The following PLTP variants were observed in gnomAD, a reference collection of about 807,000 sequenced individuals.
PLTP encodes phospholipid transfer protein, also known as BPI fold containing family E.
In PLTP, 43 loss-of-function variants were observed where a neutral mutation model predicts 54.1. The ratio of observed to expected loss-of-function variants is 0.79; its 90% CI spans 0.62 to 1.02. The LOEUF is 1.02. Among genes scored for constraint, PLTP ranks in the 50% least tolerant of loss-of-function variants. The pLI is 0.00. For missense variants in PLTP, 604 were observed against 645.9 expected (o/e 0.94, Z 0.70); for synonymous variants, 263 against 264.6 (o/e 0.99, Z 0.06).
intron 15 of PLTP, 25 bp downstream of exon 15, chr20:45,899,437 C>T (rs2145827300): frequency 2.5e-6 from 4 of 1,612,656 alleles, no homozygotes; most frequent in South Asian, 2.2e-5. Context: ...GGCCCTCCCT[C>T]CTTCCCCATC....
intron 3 of PLTP, 122 bp downstream of exon 3, chr20:45,911,030 C>T: frequency 6.2e-7 from 1 of 1,602,620 alleles, no homozygotes. Context: ...AGTCTTGCCT[C>T]ATCGATTTGG....
chr20:45,905,269 A>T lies in PLTP; in HGVS notation c.706-151T>A, dbSNP rs181305446. 4.7e-4 allele frequency: 317 copies of T among 679,986 alleles called. 4 individuals carry two copies. In the East Asian group the frequency reaches 5.8e-3, roughly 12 times the overall value. 42.1% of individuals were successfully genotyped at this position (679,986 alleles called of 1,614,324 possible). ...GAGGATTCACAAGCACATCTCTTAA[A>T]AGGCATTGGAAGGAGGACACCTGCT... On this transcript the variant is annotated intron_variant, in intron 8 of 15. Transcript: ENST00000372431.
chr20:45,906,284 A>G lies in PLTP; in HGVS notation c.689T>C (p.Leu230Pro), dbSNP rs752157220. ...GCAGCTCACCCGGAAGTCCATGTCC[A>G]GGTTGCTGGTGGAAGCCACAGGATC... The part of the protein sequence containing the change: ...MKDPVASTSN[L>P]DMDFRGAFFP... The change falls in exon 8 of 16, where the codon CTG becomes CCG. Residue 230 changes from leucine (L) to proline (P), a missense_variant. Physicochemically the swap from Leu to Pro is moderately conservative, Grantham distance 98. Coordinates refer to ENST00000372431, the MANE Select transcript of PLTP (RefSeq NM_006227.4). 8 of 1,613,128 alleles carry G rather than the reference A, an allele frequency of 5.0e-6. No individual in the cohort carries two copies. Among genetic ancestry groups the G allele is most frequent in the Non-Finnish European group, 6.8e-6 (8 of 1,179,052 alleles).
intron 15 of PLTP, 33 bp from the exon 16 acceptor site, chr20:45,899,096 AT>A: frequency 6.2e-7 from 1 of 1,613,898 alleles, no homozygotes; most frequent in Non-Finnish European, 8.5e-7. Flanking sequence ...TCATTTATTC[AT>A]TCAGTTATTG....
At chr20:45,909,733 G>C (rs1277182073) in intron 4 of PLTP, 62 bp from the exon 5 acceptor site, 19 of 1,561,898 alleles carry the variant, frequency 1.2e-5, no homozygotes, top group Non-Finnish European at 7.9e-6. Context: ...GTGCCCCCAT[G>C]CATCACCATA....
Position 45,904,948 on chromosome 20 carries a change from C to T in PLTP, c.876G>A (p.Gly292=). The T allele has an allele frequency of 6.2e-7, 1 of 1,614,242 alleles. No homozygotes were observed. The highest frequency in any genetic ancestry group is 8.5e-7 in the Non-Finnish European group (1 of 1,180,040). ...CAAACAGGCCATGACATACCTTGTC[C>T]CCCACCAGCAACAGCTGCAGGGCCC... The part of the protein sequence containing the change: ...RAGALQLLLV[G]DKVPHDLDML... Residue 292 remains glycine (G), a synonymous_variant, in exon 9 of 16, where the codon GGG becomes GGA. Transcript: ENST00000372431.
At chr20:45,900,568 G>T (rs1344618707) in intron 12 of PLTP, among the ~76,000 whole-genome samples, 1 of 151,682 alleles carries the variant, frequency 6.6e-6, no homozygotes, top group Non-Finnish European at 1.5e-5. Flanking sequence ...TCACTGTGTT[G>T]CCCAGGCTGG....
intron 8 of PLTP, among the ~76,000 whole-genome samples, chr20:45,905,944 A>G (rs1046858103): frequency 6.6e-6 from 1 of 152,206 alleles, no homozygotes; most frequent in African/African-American, 2.4e-5. Flanking sequence ...ATAGAAATTT[A>G]TGTCCAGCTC....
intron 8 of PLTP, among the ~76,000 whole-genome samples, chr20:45,906,032 C>A (rs887220444): frequency 2.6e-5 from 4 of 152,124 alleles, no homozygotes; most frequent in Admixed American, 2.0e-4. Flanking sequence ...TGGGAAAGAG[C>A]AGCTGCAAAG....
chr20:45,909,517 TG>T lies in PLTP; in HGVS notation c.483del (p.Phe161LeufsTer60). ...SRMHAAFGGT[F>X]KKVYDFLSTF... ...GCTGGGGTTGGGGCTGGGGCTTACT[TG>T]AAGGTTCCCCCGAAGGCCGCGTGCA... On this transcript the variant is annotated frameshift_variant and splice_region_variant, in exon 5 of 16. Coordinates refer to ENST00000372431, the MANE Select transcript of PLTP (RefSeq NM_006227.4). LOFTEE classifies it high-confidence loss of function. 1 of 1,614,052 alleles carries T rather than the reference TG, an allele frequency of 6.2e-7. No homozygotes were observed. Among genetic ancestry groups the T allele is most frequent in the Non-Finnish European group, 8.5e-7 (1 of 1,179,996 alleles).
intron 4 of PLTP, 101 bp from the exon 5 acceptor site, chr20:45,909,772 C>T (rs1184393827): frequency 6.8e-7 from 1 of 1,466,524 alleles, no homozygotes; most frequent in East Asian, 2.3e-5. Flanking sequence ...CCTCTTTCCA[C>T]ACATCCTACC....
At chr20:45,906,408 G>C in intron 7 of PLTP, 49 bp from the exon 8 acceptor site, 1 of 1,421,404 alleles carries the variant, frequency 7.0e-7, no homozygotes, top group Non-Finnish European at 9.9e-7. Context: ...GTGGGATAAG[G>C]TGCTTAACCT....
intron 10 of PLTP, among the ~76,000 whole-genome samples, chr20:45,904,317 C>T (rs987676024): frequency 1.3e-5 from 2 of 151,936 alleles, no homozygotes; most frequent in Admixed American, 6.6e-5. Context: ...TAAAAATTAG[C>T]GGGGTGTGGT....
intron 10 of PLTP, 139 bp downstream of exon 10, chr20:45,904,661 A>G: frequency 1.2e-6 from 1 of 802,996 alleles, no homozygotes; most frequent in Non-Finnish European, 2.2e-6. Context: ...AGGAACAGCC[A>G]TGACAAGGCG....
chr20:45,899,546 T>C lies in PLTP; in HGVS notation c.1283-8A>G. Reference sequence around the variant, plus strand: ...CCCCACGCCAGGTCCGCTCTGTGGGTGGGAGCACCCCGCTCAGTCTGGGCC... The same window carrying C: ...CCCCACGCCAGGTCCGCTCTGTGGGCGGGAGCACCCCGCTCAGTCTGGGCC... On this transcript the variant is annotated splice_polypyrimidine_tract_variant and splice_region_variant and intron_variant, in intron 14 of 15. Coordinates refer to ENST00000372431, the MANE Select transcript of PLTP (RefSeq NM_006227.4). 1 of 1,614,026 alleles carries C rather than the reference T, an allele frequency of 6.2e-7. No individual in the cohort carries two copies. Among genetic ancestry groups the C allele is most frequent in the Non-Finnish European group, 8.5e-7 (1 of 1,179,988 alleles).
chr20:45,902,178 A>T, intron 12 of PLTP, 89 bp downstream of exon 12: 1 of 1,361,754 alleles, frequency 7.3e-7, no homozygotes, highest in Non-Finnish European at 1.0e-6. Flanking sequence ...AGTGGCTTAC[A>T]GGTATCACTG....
At chr20:45,910,336 G>A (rs1181855128) in intron 3 of PLTP, among the ~76,000 whole-genome samples, 3 of 151,980 alleles carry the variant, frequency 2.0e-5, no homozygotes, top group Non-Finnish European at 4.4e-5. Flanking sequence ...TTGTTTGCCA[G>A]GTGCGGTGGT....
Position 45,911,352 on chromosome 20 carries a change from C to T in PLTP, c.100+1G>A, listed in dbSNP as rs1283873533. On this transcript the variant is annotated splice_donor_variant, in intron 2 of 15. Coordinates refer to ENST00000372431, the MANE Select transcript of PLTP (RefSeq NM_006227.4). LOFTEE classifies it high-confidence loss of function. ...CGTCCCTGTCTGCCCCTGCGCCTTACCCAGCTCCAGCGCCTTGGAGGTGAC... is the reference window on the plus strand; with the variant it reads ...CGTCCCTGTCTGCCCCTGCGCCTTATCCAGCTCCAGCGCCTTGGAGGTGAC... The T allele has an allele frequency of 1.2e-6, 2 of 1,613,388 alleles. No homozygotes were observed. Among genetic ancestry groups the T allele is most frequent in the Admixed American group, 1.7e-5 (1 of 60,034 alleles).
In PLTP at chr20:45,898,893, G is replaced by A. The variant is rs1308759187; in HGVS notation, c.*48C>T. 6.2e-7 allele frequency: 1 copy of A among 1,604,892 alleles called. No homozygotes were observed. The highest frequency in any genetic ancestry group is 1.7e-5 in the Admixed American group (1 of 59,204). On this transcript the variant is annotated 3_prime_UTR_variant, in exon 16 of 16. Coordinates refer to ENST00000372431, the MANE Select transcript of PLTP (RefSeq NM_006227.4). This position sits in a 1 kb window ranked among gnomAD's most constrained non-coding sequence, Gnocchi z 4.6. ...ATGAATGTGGGAAAAGAGGGGCTGA[G>A]AGGGGTTGGGGTCCTGAATGACAGC... is the stretch of plus-strand genomic sequence containing the variant.
Sources: gnomAD v4.1 joint callset for allele counts (sites outside exome capture counted in the v4.1 genomes callset) on GRCh38, gnomAD v4.1.1 for gene constraint, Gnocchi (gnomAD v3.1) non-coding constraint, MANE v1.5 for transcripts, NCBI Gene and HGNC (gene_info 2026-07-23, HGNC 2026-07-21) for gene names.